The following EPM2A variants were observed in gnomAD, a reference collection of about 807,000 sequenced individuals.
EPM2A encodes the protein EPM2A glucan phosphatase, laforin.
EPM2A carries 21 observed loss-of-function variants against 26.5 expected under a neutral mutation model. The observed-to-expected ratio is 0.79, with a 90% CI of 0.56 to 1.14. The LOEUF is 1.14. Among genes scored for constraint, EPM2A ranks in the 50% most tolerant of loss-of-function variants. EPM2A has a pLI of 0.00. For missense variants in EPM2A, 458 were observed against 440.8 expected, an observed-to-expected ratio of 1.04 and a Z score of -0.35; for synonymous variants, 217 against 177.6, an observed-to-expected ratio of 1.22 and a Z score of -1.76.
At chr6:145,500,761 G>T (rs1483546577), downstream of EPM2A, among the ~76,000 whole-genome samples, 1 of 152,150 alleles carries the variant, frequency 6.6e-6, no homozygotes, top group East Asian at 1.9e-4. Flanking sequence ...TCTGGCCTGG[G>T]AGAAAATGAC....
chr6:145,597,469 T>A (rs927875266), intron 2 of EPM2A, among the ~76,000 whole-genome samples: 1 of 145,364 alleles, frequency 6.9e-6, no homozygotes, highest in East Asian at 2.0e-4. Flanking sequence ...ACCTGTTTAT[T>A]TTTTTTTCTT....
chr6:145,645,562 C>G (rs1562437006), intron 2 of EPM2A, among the ~76,000 whole-genome samples: 1 of 151,918 alleles, frequency 6.6e-6, no homozygotes, highest in African/African-American at 2.4e-5. Context: ...GCTTCAGCCT[C>G]GAAGGTCACT....
At chr6:145,421,763 A>T (rs1778786752) in intron 4 of EPM2A, among the ~76,000 whole-genome samples, 1 of 151,878 alleles carries the variant, frequency 6.6e-6, no homozygotes, top group African/African-American at 2.4e-5. Context: ...GTTATCTATA[A>T]GAGATATATT....
chr6:145,453,127 T>A (rs892397264), intron 4 of EPM2A, among the ~76,000 whole-genome samples: 3 of 152,252 alleles, frequency 2.0e-5, no homozygotes, highest in Non-Finnish European at 4.4e-5. Flanking sequence ...CTTCTGATGC[T>A]GTTTACTTGT....
At position 145,526,859 on chromosome 6, in the gene EPM2A, C is replaced by G. The variant is rs113787622; in HGVS notation, c.341-24284G>C. Among the ~76,000 whole-genome samples, 530 of 151,946 alleles carry G rather than the reference C, an allele frequency of 3.5e-3. 6 individuals carry two copies. The highest frequency in any genetic ancestry group is 0.012 in the African/African-American group (511 of 41,514). ...GTTCGTTCTTATTTTTCTAGCTCCT[C>G]TAGTTGTGATATTAGATTAGTAACT... On this transcript the variant is annotated intron_variant, in intron 2 of 3. Transcript: ENST00000450221.
chr6:145,635,901 G>A (rs913469626), intron 2 of EPM2A: 2 of 210,438 alleles, frequency 9.5e-6, no homozygotes, highest in Non-Finnish European at 1.9e-5. Context: ...AGGCATTCCG[G>A]TTTAAAAGTC....
At chr6:145,541,821 G>A (rs1053047886) in intron 2 of EPM2A, among the ~76,000 whole-genome samples, 2 of 152,060 alleles carry the variant, frequency 1.3e-5, no homozygotes, top group Admixed American at 6.5e-5. Flanking sequence ...CCGCCCAAAT[G>A]ACATAGAACT....
At chr6:145,465,690 C>T (rs1427770822) in intron 4 of EPM2A, among the ~76,000 whole-genome samples, 1 of 151,956 alleles carries the variant, frequency 6.6e-6, no homozygotes, top group Non-Finnish European at 1.5e-5. Flanking sequence ...TTCTAACAGA[C>T]AGGACCCTCA....
downstream of EPM2A, among the ~76,000 whole-genome samples, chr6:145,624,270 G>C (rs776809999): frequency 1.3e-5 from 2 of 152,092 alleles, no homozygotes; most frequent in Admixed American, 1.3e-4. Flanking sequence ...ACATAACCTT[G>C]AATCTCCCCC....
At chr6:145,495,796 G>A (rs1779810035) in intron 4 of EPM2A, among the ~76,000 whole-genome samples, 1 of 152,106 alleles carries the variant, frequency 6.6e-6, no homozygotes, top group Non-Finnish European at 1.5e-5. Context: ...GGGTTGGACA[G>A]GAACTCCTGA....
chr6:145,470,702 T>C (rs1014815677), intron 4 of EPM2A, among the ~76,000 whole-genome samples: 1 of 152,190 alleles, frequency 6.6e-6, no homozygotes, highest in Non-Finnish European at 1.5e-5. Flanking sequence ...AGTTTTATAA[T>C]GCTTACTATA....
At chr6:145,683,720 C>G (rs1780720568) in intron 2 of EPM2A, among the ~76,000 whole-genome samples, 1 of 152,104 alleles carries the variant, frequency 6.6e-6, no homozygotes, top group South Asian at 2.1e-4. Flanking sequence ...TCTTTTCATT[C>G]AGGGTGGGGC....
At chr6:145,700,817 G>C (rs1334977434) in intron 1 of EPM2A, among the ~76,000 whole-genome samples, 5 of 152,164 alleles carry the variant, frequency 3.3e-5, no homozygotes, top group Non-Finnish European at 7.3e-5. Context: ...CTTCAATTAA[G>C]ATTTTCCAGA....
chr6:145,495,570 G>A (rs1457083426), intron 4 of EPM2A, among the ~76,000 whole-genome samples: 1 of 148,182 alleles, frequency 6.7e-6, no homozygotes, highest in African/African-American at 2.5e-5. Context: ...TTATGCGGAT[G>A]CTTTATTTAT....
intron 2 of EPM2A, among the ~76,000 whole-genome samples, chr6:145,675,878 C>G (rs1293636312): frequency 1.3e-5 from 2 of 152,148 alleles, no homozygotes; most frequent in African/African-American, 4.8e-5. Flanking sequence ...ATCAACAAAA[C>G]AGAAGGTGAA....
intron 4 of EPM2A, among the ~76,000 whole-genome samples, chr6:145,421,761 T>C (rs1778786719): frequency 6.6e-6 from 1 of 151,692 alleles, no homozygotes; most frequent in Non-Finnish European, 1.5e-5. Flanking sequence ...GTGTTATCTA[T>C]AAGAGATATA....
At chr6:145,601,236 C>G (rs1445899741) in intron 2 of EPM2A, among the ~76,000 whole-genome samples, 1 of 152,174 alleles carries the variant, frequency 6.6e-6, no homozygotes, top group Non-Finnish European at 1.5e-5. Context: ...TTTATTATCA[C>G]TTTATCTACA....
intron 2 of EPM2A, among the ~76,000 whole-genome samples, chr6:145,510,261 T>C (rs1485108937): frequency 6.6e-6 from 1 of 152,152 alleles, no homozygotes; most frequent in Non-Finnish European, 1.5e-5. Context: ...TCTAACAGAA[T>C]ACTGCACCCA....
chr6:145,715,685 A>G (rs750354003), intron 1 of EPM2A, among the ~76,000 whole-genome samples: 8 of 152,088 alleles, frequency 5.3e-5, no homozygotes, highest in Non-Finnish European at 1.0e-4. Flanking sequence ...TCAGCAGCAC[A>G]GTAGATTCTC....
Sources: gnomAD v4.1 joint callset for allele counts (sites outside exome capture counted in the v4.1 genomes callset) on GRCh38, gnomAD v4.1.1 for gene constraint, MANE v1.5 for transcripts, NCBI Gene and HGNC (gene_info 2026-07-23, HGNC 2026-07-21) for gene names.